Variants in ST6GAL1 observed in about 807,000 individuals in gnomAD.
ST6GAL1 encodes ST6 beta-galactoside alpha-2,6-sialyltransferase 1.
ST6GAL1 carries 20 observed loss-of-function variants against 38.0 expected under a neutral mutation model. The ratio of observed to expected loss-of-function variants is 0.53; its 90% CI spans 0.37 to 0.77. The LOEUF (loss-of-function observed/expected upper bound fraction) is 0.77, where lower values mean the gene tolerates loss of function less well. Among genes scored for constraint, ST6GAL1 ranks in the 30% least tolerant of loss-of-function variants. The pLI, the probability that ST6GAL1 is intolerant of heterozygous loss-of-function variation, is 0.00. For synonymous variants in ST6GAL1, 196 were observed against 188.2 expected (o/e 1.04, Z -0.34); for missense variants, 432 against 496.4 (o/e 0.87, Z 1.23).
At chr3:186,941,162 T>TC (rs1714158547) in intron 1 of ST6GAL1, among the ~76,000 whole-genome samples, 1 of 152,174 alleles carries the variant, frequency 6.6e-6, no homozygotes, top group South Asian at 2.1e-4. Context: ...CCCCTCCCCT[T>TC]CCCACCATCC....
chr3:186,984,888 C>T (rs1715853449), intron 2 of ST6GAL1, among the ~76,000 whole-genome samples: 2 of 145,556 alleles, frequency 1.4e-5, no homozygotes, highest in Admixed American at 7.0e-5. Context: ...TCCGTCCTTT[C>T]TTTCTCTCTT....
intron 5 of ST6GAL1, among the ~76,000 whole-genome samples, chr3:187,071,382 T>C (rs555837840): frequency 2.0e-4 from 30 of 152,232 alleles, no homozygotes; most frequent in African/African-American, 6.3e-4. Flanking sequence ...TCACTCATGA[T>C]CTCCATTTGA....
intron 5 of ST6GAL1, among the ~76,000 whole-genome samples, chr3:187,071,499 C>T (rs1270294880): frequency 1.3e-5 from 2 of 151,574 alleles, no homozygotes; most frequent in Admixed American, 6.6e-5. Flanking sequence ...CCTGTAATCC[C>T]AGCACTTTGG....
intron 5 of ST6GAL1, among the ~76,000 whole-genome samples, chr3:187,055,158 T>A (rs999404570): frequency 2.6e-4 from 40 of 152,172 alleles, no homozygotes; most frequent in Admixed American, 2.0e-3. Flanking sequence ...AATTTATCGT[T>A]TTTTATTGCG....
intron 4 of ST6GAL1, among the ~76,000 whole-genome samples, chr3:187,050,196 G>A (rs1212846799): frequency 7.2e-5 from 11 of 152,164 alleles, no homozygotes; most frequent in Admixed American, 2.6e-4. Context: ...TGTGGATAAA[G>A]AATGATCCAA....
At chr3:186,977,162 G>T (rs1442175160) in intron 2 of ST6GAL1, among the ~76,000 whole-genome samples, 7 of 152,188 alleles carry the variant, frequency 4.6e-5, no homozygotes, top group Admixed American at 2.6e-4. Context: ...TGCTTCCGGG[G>T]GTCTCTGAAG....
At position 187,067,365 on chromosome 3, in the gene ST6GAL1, G is replaced by C. The variant is rs146233618; in HGVS notation, c.706-5484G>C. On this transcript the variant is annotated intron_variant, in intron 5 of 7. Transcript: ENST00000169298. ...GCTTCCCAAAGTGCTGGGATTACAG[G>C]TGTGAGCCACTGCACCTGGCAAGGC... 1.2e-4 allele frequency among the ~76,000 whole-genome samples: 18 copies of C among 149,230 alleles called. No homozygotes were observed. In the South Asian group the frequency reaches 3.4e-3, roughly 28 times the overall value.
chr3:186,932,213 C>A (rs537798620), intron 1 of ST6GAL1, among the ~76,000 whole-genome samples: 2 of 152,276 alleles, frequency 1.3e-5, no homozygotes, highest in African/African-American at 4.8e-5. Context: ...ATCTAGGGAG[C>A]CTTCTCATTT....
At chr3:187,036,985 G>T (rs1409461178) in intron 2 of ST6GAL1, among the ~76,000 whole-genome samples, 3 of 151,946 alleles carry the variant, frequency 2.0e-5, no homozygotes, top group Non-Finnish European at 4.4e-5. Flanking sequence ...TCTTTCATTT[G>T]TCATCAGAAC....
chr3:186,935,798 C>G (rs1332863533), intron 1 of ST6GAL1, among the ~76,000 whole-genome samples: 1 of 151,732 alleles, frequency 6.6e-6, no homozygotes, highest in African/African-American at 2.4e-5. Flanking sequence ...TCACCTGTCA[C>G]AAAGAGGTGT....
At chr3:187,043,597 A>G (rs1718202109) in intron 4 of ST6GAL1, 2 of 214,142 alleles carry the variant, frequency 9.3e-6, no homozygotes, top group East Asian at 1.1e-4. Context: ...ACGTGTATTC[A>G]ATGTGTAATG....
At chr3:187,000,324 T>G (rs1288815938) in intron 2 of ST6GAL1, among the ~76,000 whole-genome samples, 1 of 149,836 alleles carries the variant, frequency 6.7e-6, no homozygotes, top group Non-Finnish European at 1.5e-5. Flanking sequence ...CTGAGGTGGG[T>G]GGATCACCTG....
At chr3:187,065,518 G>T (rs1479859651) in intron 5 of ST6GAL1, among the ~76,000 whole-genome samples, 1 of 152,218 alleles carries the variant, frequency 6.6e-6, no homozygotes, top group Non-Finnish European at 1.5e-5. Context: ...CAGGAAAAAT[G>T]ATATATGTAA....
chr3:187,048,047 A>G (rs1030510205), intron 4 of ST6GAL1, among the ~76,000 whole-genome samples: 1 of 149,892 alleles, frequency 6.7e-6, no homozygotes, highest in Admixed American at 6.6e-5. Flanking sequence ...GGTTCACACC[A>G]TTCTCCTACC....
At chr3:186,985,442 A>G (rs938570693) in intron 2 of ST6GAL1, among the ~76,000 whole-genome samples, 1 of 151,852 alleles carries the variant, frequency 6.6e-6, no homozygotes, top group African/African-American at 2.4e-5. Flanking sequence ...AAAGTGAGTA[A>G]GCGTAGAATA....
chr3:187,048,717 G>A (rs1222134562), intron 4 of ST6GAL1, among the ~76,000 whole-genome samples: 2 of 152,058 alleles, frequency 1.3e-5, no homozygotes, highest in Non-Finnish European at 2.9e-5. Flanking sequence ...CATAGAGTAG[G>A]TGCTCAATCA....
Position 187,076,947 on chromosome 3 carries a change from AC to A in ST6GAL1, c.*1149del. On this transcript the variant is annotated 3_prime_UTR_variant, in exon 8 of 8. Transcript: ENST00000169298. The stretch of plus-strand genomic sequence containing the variant: ...GTCCCATTCTTCCTTTTCAATACCT[AC>A]CCCCAAATCTTCTCCTAACCACCAT... 1 of 389,650 alleles carries A rather than the reference AC, an allele frequency of 2.6e-6. No homozygotes were observed. Among genetic ancestry groups the A allele is most frequent in the Non-Finnish European group, 4.5e-6 (1 of 224,140 alleles). 24.1% of individuals were successfully genotyped at this position (389,650 alleles called of 1,614,324 possible). A position where few individuals can be genotyped will look rare whatever the true frequency, so the allele number is the denominator to read the frequency against.
intron 2 of ST6GAL1, among the ~76,000 whole-genome samples, chr3:187,012,442 C>T (rs1220177373): frequency 1.3e-5 from 2 of 152,026 alleles, no homozygotes; most frequent in Non-Finnish European, 2.9e-5. Context: ...ATTTCCAGTA[C>T]AGACGGGGTT....
chr3:186,982,263 G>T (rs1206054465), intron 2 of ST6GAL1, among the ~76,000 whole-genome samples: 2 of 152,206 alleles, frequency 1.3e-5, no homozygotes, highest in Non-Finnish European at 2.9e-5. Flanking sequence ...TGTACAAATT[G>T]CATCAAAGGG....
Sources: gnomAD v4.1 joint callset for allele counts (sites outside exome capture counted in the v4.1 genomes callset) on GRCh38, gnomAD v4.1.1 for gene constraint, MANE v1.5 for transcripts, NCBI Gene and HGNC (gene_info 2026-07-23, HGNC 2026-07-21) for gene names.